PDE1C: variants seen among roughly 807,000 people sequenced by gnomAD.
PDE1C encodes the protein phosphodiesterase 1C, also known as dual specificity calcium/calmodulin-dependent 3',5'-cyclic nucleotide phosphodiesterase 1C.
PDE1C carries 62 observed loss-of-function variants against 93.1 expected under a neutral mutation model. That is an observed-to-expected ratio of 0.67 (90% CI 0.54 to 0.82). The LOEUF (loss-of-function observed/expected upper bound fraction) is 0.82. PDE1C is among the 40% of genes least tolerant of loss of function. PDE1C has a pLI of 0.00. For missense variants in PDE1C, 742 were observed against 884.6 expected (o/e 0.84, Z 2.04); for synonymous variants, 325 against 310.1 (o/e 1.05, Z -0.50).
chr7:32,229,630 C>T (rs901049010), intron 1 of PDE1C, among the ~76,000 whole-genome samples: 2 of 152,154 alleles, frequency 1.3e-5, no homozygotes, highest in Non-Finnish European at 2.9e-5. Context: ...GGCATCTAGA[C>T]CATCCCAGCT....
chr7:32,188,388 T>A (rs2128818870), intron 2 of PDE1C, among the ~76,000 whole-genome samples: 1 of 152,260 alleles, frequency 6.6e-6, no homozygotes, highest in East Asian at 1.9e-4. Context: ...TTATGTTGGT[T>A]CTTTCTTTTC....
intron 1 of PDE1C, among the ~76,000 whole-genome samples, chr7:32,065,693 C>T (rs80257223): frequency 0.097 from 14,762 of 152,116 alleles, 849 homozygotes; most frequent in Middle Eastern, 0.15. Context: ...TTTAAAAGTT[C>T]GGTTATATAG....
intron 1 of PDE1C, among the ~76,000 whole-genome samples, chr7:32,325,485 ACTCTGGATTT>A (rs1330551084): frequency 3.3e-5 from 5 of 152,034 alleles, no homozygotes; most frequent in Admixed American, 6.6e-5. Context: ...CTTCCCCAGC[ACTCTGGATTT>A]CTCTCATCCT....
At chr7:32,248,662 C>CT (rs1809139283) in intron 1 of PDE1C, among the ~76,000 whole-genome samples, 1 of 152,204 alleles carries the variant, frequency 6.6e-6, no homozygotes, top group Admixed American at 6.5e-5. Context: ...AGTACAAACT[C>CT]TGCAAAGAAC....
chr7:32,423,998 A>G (rs1785482865), intron 1 of PDE1C, among the ~76,000 whole-genome samples: 1 of 152,236 alleles, frequency 6.6e-6, no homozygotes. Flanking sequence ...ATTATTAAGC[A>G]ATAAAGAATA....
At chr7:31,655,122 A>G in the PDE1C span, among the ~76,000 whole-genome samples, 112 of 152,200 alleles carry the variant, frequency 7.4e-4, no homozygotes, top group African/African-American at 2.5e-3. Context: ...TTTACTGTCC[A>G]TAAGACATTT....
chr7:32,377,888 T>C (rs1360344109), intron 1 of PDE1C, among the ~76,000 whole-genome samples: 2 of 152,152 alleles, frequency 1.3e-5, no homozygotes, highest in African/African-American at 2.4e-5. Context: ...CTGAGTTTCC[T>C]TGTTTGTTTT....
At chr7:31,772,211 C>G (rs1795537139) in intron 17 of PDE1C, among the ~76,000 whole-genome samples, 1 of 152,108 alleles carries the variant, frequency 6.6e-6, no homozygotes, top group Non-Finnish European at 1.5e-5. Flanking sequence ...TATTGCAGAT[C>G]CAATTCCAAA....
chr7:32,004,207 T>C (rs1785866945), intron 2 of PDE1C, among the ~76,000 whole-genome samples: 1 of 151,944 alleles, frequency 6.6e-6, no homozygotes, highest in African/African-American at 2.4e-5. Context: ...GGGGAAAACC[T>C]CTGTTGTTTT....
At chr7:32,400,256 G>T (rs980757456) in intron 1 of PDE1C, among the ~76,000 whole-genome samples, 4 of 152,122 alleles carry the variant, frequency 2.6e-5, no homozygotes, top group Admixed American at 2.0e-4. Flanking sequence ...CACAGAAAAT[G>T]GTTTTAATAG....
the PDE1C span, among the ~76,000 whole-genome samples, chr7:31,657,361 T>C: frequency 6.6e-6 from 1 of 152,330 alleles, no homozygotes; most frequent in African/African-American, 2.4e-5. Flanking sequence ...CCTGCTTCTG[T>C]CTGCGTTATA....
At chr7:31,831,323 C>T (rs1790358276) in intron 11 of PDE1C, among the ~76,000 whole-genome samples, 1 of 152,040 alleles carries the variant, frequency 6.6e-6, no homozygotes, top group African/African-American at 2.4e-5. Flanking sequence ...AATCACACAT[C>T]CTAGGAAAAA....
the PDE1C span, among the ~76,000 whole-genome samples, chr7:31,638,563 A>C: frequency 6.6e-6 from 1 of 152,206 alleles, no homozygotes; most frequent in Admixed American, 6.5e-5. Context: ...GTAGATAATA[A>C]ATAAATAAAA....
chr7:32,036,162 G>A (rs1024046021), intron 2 of PDE1C, among the ~76,000 whole-genome samples: 1 of 152,088 alleles, frequency 6.6e-6, no homozygotes, highest in African/African-American at 2.4e-5. Flanking sequence ...GAATTCCTTT[G>A]TCTGAGAACC....
intron 2 of PDE1C, among the ~76,000 whole-genome samples, chr7:31,931,597 A>T (rs777785479): frequency 4.6e-5 from 7 of 152,234 alleles, no homozygotes; most frequent in Non-Finnish European, 7.3e-5. Context: ...GAGCACACAA[A>T]CAAATGGAAA....
intron 1 of PDE1C, among the ~76,000 whole-genome samples, chr7:32,282,512 G>GATAGATAGATAGATAGATAGATAGATA (rs1562647710): frequency 6.6e-4 from 5 of 7,590 alleles, no homozygotes; most frequent in African/African-American, 1.4e-3. Flanking sequence ...ATAGATAGAT[G>GATAGATAGATAGATAGATAGATAGATA]GTCAATTAAC....
chr7:31,733,849 A>G, the PDE1C span, among the ~76,000 whole-genome samples: 1 of 151,928 alleles, frequency 6.6e-6, no homozygotes, highest in African/African-American at 2.4e-5. Flanking sequence ...AAACAATACA[A>G]AAACATTAGC....
intron 2 of PDE1C, among the ~76,000 whole-genome samples, chr7:31,949,714 T>C (rs774136379): frequency 6.6e-6 from 1 of 152,168 alleles, no homozygotes; most frequent in African/African-American, 2.4e-5. Context: ...ATGTTTTACA[T>C]AAAATTTCAC....
At chr7:31,721,493 C>G in the PDE1C span, among the ~76,000 whole-genome samples, 515 of 152,160 alleles carry the variant, frequency 3.4e-3, 2 homozygotes, top group African/African-American at 0.012. Flanking sequence ...GCATTGGGCA[C>G]CACAGATTTG....
Sources: gnomAD v4.1 joint callset for allele counts (sites outside exome capture counted in the v4.1 genomes callset) on GRCh38, gnomAD v4.1.1 for gene constraint, MANE v1.5 for transcripts, NCBI Gene and HGNC (gene_info 2026-07-23, HGNC 2026-07-21) for gene names.